Variants in ASTN2 observed in about 807,000 individuals in gnomAD.
ASTN2 encodes astrotactin-2.
Under a neutral mutation model 139.8 loss-of-function variants are expected in ASTN2, and 54 were observed. That is an observed-to-expected ratio of 0.39 (90% CI 0.31 to 0.48). The LOEUF (loss-of-function observed/expected upper bound fraction) is 0.48, where lower values mean the gene tolerates loss of function less well. Among genes scored for constraint, ASTN2 ranks in the 20% least tolerant of loss-of-function variants. The pLI is 0.95. For missense variants in ASTN2, 1,565 were observed against 1,725.1 expected, an observed-to-expected ratio of 0.91 and a Z score of 1.64; for synonymous variants, 756 against 719.5, an observed-to-expected ratio of 1.05 and a Z score of -0.81.
chr9:117,392,619 A>G (rs969106633), intron 1 of ASTN2, among the ~76,000 whole-genome samples: 3 of 152,218 alleles, frequency 2.0e-5, no homozygotes, highest in Non-Finnish European at 4.4e-5. Context: ...AGAAGGCTAC[A>G]TGATATTTTA....
chr9:116,836,274 C>T (rs914655510), intron 11 of ASTN2, among the ~76,000 whole-genome samples: 6 of 152,090 alleles, frequency 3.9e-5, no homozygotes, highest in Admixed American at 6.5e-5. Context: ...ACTAGTTCTT[C>T]CCTGACAACA....
intron 19 of ASTN2, among the ~76,000 whole-genome samples, chr9:116,488,978 G>A (rs1487257615): frequency 6.6e-6 from 1 of 152,064 alleles, no homozygotes; most frequent in African/African-American, 2.4e-5. Context: ...TGACATATGA[G>A]GTATTTTTAT....
chr9:116,641,293 C>T (rs1857316774), intron 17 of ASTN2, among the ~76,000 whole-genome samples: 2 of 152,290 alleles, frequency 1.3e-5, no homozygotes, highest in East Asian at 1.9e-4. Context: ...TAGACTTTAA[C>T]TTTTATTTAA....
chr9:116,993,853 G>GAGAT (rs377418549), intron 7 of ASTN2, among the ~76,000 whole-genome samples: 1 of 132,046 alleles, frequency 7.6e-6, no homozygotes, highest in Non-Finnish European at 1.6e-5. Context: ...GTATGTACAT[G>GAGAT]ATATATATAT....
chr9:116,679,037 G>C (rs1859675351), intron 16 of ASTN2, among the ~76,000 whole-genome samples: 1 of 152,136 alleles, frequency 6.6e-6, no homozygotes, highest in Non-Finnish European at 1.5e-5. Flanking sequence ...ACAGAAAAGA[G>C]ACAAATTCAG....
At chr9:117,027,947 G>A (rs1456249322) in intron 6 of ASTN2, among the ~76,000 whole-genome samples, 2 of 152,132 alleles carry the variant, frequency 1.3e-5, no homozygotes, top group African/African-American at 4.8e-5. Context: ...AAAATTGGTG[G>A]TTCTGAGAAG....
chr9:116,592,011 G>A (rs1205464660), intron 19 of ASTN2, among the ~76,000 whole-genome samples: 2 of 152,132 alleles, frequency 1.3e-5, no homozygotes, highest in Non-Finnish European at 2.9e-5. Flanking sequence ...TACCCCCTTG[G>A]ATATCAAAAT....
In ASTN2 at chr9:116,428,385, G is replaced by A. The variant is rs143993591; in HGVS notation, c.3783-2297C>T. ...CTAAAAATACAAAATTTAGCTGGGCGTGGTGGTGGGTACCTGTAACCCCAG... is the reference window on the plus strand; with the variant it reads ...CTAAAAATACAAAATTTAGCTGGGCATGGTGGTGGGTACCTGTAACCCCAG... On this transcript the variant is annotated intron_variant, in intron 22 of 22. Coordinates refer to ENST00000313400, the MANE Select transcript of ASTN2 (RefSeq NM_001365068.1). Among the ~76,000 whole-genome samples the A allele has an allele frequency of 5.1e-3, 770 of 152,206 alleles. 8 individuals are homozygous for A. Among genetic ancestry groups the A allele is most frequent in the African/African-American group, 0.017 (703 of 41,534 alleles).
intron 10 of ASTN2, among the ~76,000 whole-genome samples, chr9:116,948,721 G>GTC (rs1198443165): frequency 6.7e-6 from 1 of 148,416 alleles, no homozygotes; most frequent in African/African-American, 2.5e-5. Flanking sequence ...GTGTGTGTGT[G>GTC]TGTGTGTGTA....
chr9:116,583,090 A>G (rs1854015593), intron 19 of ASTN2: 2 of 152,194 alleles, frequency 1.3e-5, no homozygotes, highest in African/African-American at 4.8e-5. Context: ...CCAGTGGTCC[A>G]GCCCCACTTG....
chr9:116,500,317 G>T (rs1442152718), intron 19 of ASTN2, among the ~76,000 whole-genome samples: 1 of 152,202 alleles, frequency 6.6e-6, no homozygotes, highest in Non-Finnish European at 1.5e-5. Context: ...CAATGGAAGT[G>T]AAAATTTCCA....
At chr9:116,715,765 A>G (rs1226466294) in intron 16 of ASTN2, among the ~76,000 whole-genome samples, 1 of 152,128 alleles carries the variant, frequency 6.6e-6, no homozygotes, top group Non-Finnish European at 1.5e-5. Flanking sequence ...CCTCCTTAGC[A>G]CCTCATATTA....
intron 19 of ASTN2, among the ~76,000 whole-genome samples, chr9:116,541,889 A>G (rs920610885): frequency 2.0e-5 from 3 of 152,202 alleles, no homozygotes; most frequent in Non-Finnish European, 4.4e-5. Context: ...CAGTTATAAG[A>G]AATAATAGAG....
intron 2 of ASTN2, among the ~76,000 whole-genome samples, chr9:117,252,033 A>C (rs2133092444): frequency 6.6e-6 from 1 of 152,354 alleles, no homozygotes; most frequent in East Asian, 1.9e-4. Flanking sequence ...CCTTCAGAAC[A>C]ACCTCTGATA....
At chr9:116,868,643 A>T (rs1466319328) in intron 10 of ASTN2, among the ~76,000 whole-genome samples, 1 of 152,230 alleles carries the variant, frequency 6.6e-6, no homozygotes, top group Non-Finnish European at 1.5e-5. Context: ...AGTACCATGA[A>T]TCAGGTGACT....
intron 12 of ASTN2, among the ~76,000 whole-genome samples, chr9:116,810,364 A>T (rs1422237237): frequency 6.6e-6 from 1 of 152,208 alleles, no homozygotes; most frequent in Non-Finnish European, 1.5e-5. Flanking sequence ...AGACTAACAG[A>T]GTCCAAATGC....
chr9:117,407,170 G>A (rs556663058), intron 1 of ASTN2, among the ~76,000 whole-genome samples: 2 of 152,178 alleles, frequency 1.3e-5, no homozygotes, highest in Non-Finnish European at 2.9e-5. Flanking sequence ...GGGATGGTGA[G>A]GTAGAGGTGC....
intron 1 of ASTN2, among the ~76,000 whole-genome samples, chr9:117,348,121 T>C (rs1763025281): frequency 6.6e-6 from 1 of 152,160 alleles, no homozygotes; most frequent in South Asian, 2.1e-4. Context: ...GGTAGGTAAC[T>C]GGGGAGGCCT....
intron 17 of ASTN2, among the ~76,000 whole-genome samples, chr9:116,633,538 T>G (rs1856911880): frequency 1.3e-5 from 2 of 152,188 alleles, no homozygotes; most frequent in African/African-American, 4.8e-5. Context: ...TGAGAACATC[T>G]GGAGATGAGA....
Sources: gnomAD v4.1 joint callset for allele counts (sites outside exome capture counted in the v4.1 genomes callset) on GRCh38, gnomAD v4.1.1 for gene constraint, MANE v1.5 for transcripts, NCBI Gene and HGNC (gene_info 2026-07-23, HGNC 2026-07-21) for gene names.